The following DST variants were observed in gnomAD, a reference collection of about 807,000 sequenced individuals.
DST encodes bullous pemphigoid antigen.
Under a neutral mutation model 875.2 loss-of-function variants are expected in DST, and 253 were observed. The observed-to-expected ratio is 0.29, with a 90% confidence interval of 0.26 to 0.32. DST has a LOEUF of 0.32. Ranked by LOEUF, DST falls within the 10% of genes least tolerant of loss-of-function variation. DST has a pLI of 1.00. For synonymous variants in DST, 3,124 were observed against 3,197.1 expected (o/e 0.98, Z 0.77); for missense variants, 8,287 against 9,111.6 (o/e 0.91, Z 3.68).
intron 5 of DST, among the ~76,000 whole-genome samples, chr6:56,705,563 T>C (rs2099329790): frequency 6.6e-6 from 1 of 152,240 alleles, no homozygotes; most frequent in Admixed American, 6.5e-5. Flanking sequence ...TCTATATATA[T>C]GTTTTACAAT....
chr6:56,835,610 A>T (rs566821901), intron 4 of DST, among the ~76,000 whole-genome samples: 1 of 152,188 alleles, frequency 6.6e-6, no homozygotes, highest in Non-Finnish European at 1.5e-5. Context: ...TACCTACATA[A>T]TCTCTACTGC....
intron 69 of DST, among the ~76,000 whole-genome samples, chr6:56,519,026 T>C (rs1221262680): frequency 6.6e-6 from 1 of 152,178 alleles, no homozygotes. Context: ...CCAGGCATTA[T>C]ATATAAAACA....
intron 4 of DST, among the ~76,000 whole-genome samples, chr6:56,825,687 A>C (rs1257166034): frequency 6.6e-6 from 1 of 152,198 alleles, no homozygotes; most frequent in Non-Finnish European, 1.5e-5. Flanking sequence ...AATTTCTATT[A>C]CAATTCGCAG....
rs199548951 is a variant in DST, at chr6:56,953,799, G to C, written c.202C>G (p.His68Asp). 20 of 1,316,538 alleles carry C rather than the reference G, an allele frequency of 1.5e-5. No individual in the cohort carries two copies. Among genetic ancestry groups the C allele is most frequent in the Non-Finnish European group, 6.0e-6 (6 of 994,708 alleles). The allele number at this position is 1,316,538 out of a possible 1,614,324, so 81.6% of individuals were successfully genotyped here. A position where few individuals can be genotyped will look rare whatever the true frequency, so the allele number is the denominator to read the frequency against. The change falls in exon 2 of 104, where the codon CAC (histidine) becomes GAC (aspartate). Residue 68 changes from histidine (H) to aspartate (D), a missense_variant. Physicochemically the swap from His to Asp is moderately conservative, Grantham distance 81. This residue lies in a region of DST where 1,160 missense variants were observed against 1,424.3 expected (regional missense o/e 0.81). Coordinates refer to ENST00000680361, the MANE Select transcript of DST (RefSeq NM_001374736.1). Reference sequence around the variant, plus strand: ...AAATAAATTACCTCAGAACGAAAGTGGTGCGATCTCAAAACAGCATCTGGG... The same window carrying C: ...AAATAAATTACCTCAGAACGAAAGTCGTGCGATCTCAAAACAGCATCTGGG... The part of the protein sequence containing the change: ...RSRDAVLRSH[H>D]FRSEGFRASP...
At chr6:56,921,658 CATAAT>C (rs1804282102) in intron 2 of DST, among the ~76,000 whole-genome samples, 1 of 152,026 alleles carries the variant, frequency 6.6e-6, no homozygotes, top group South Asian at 2.1e-4. Context: ...ATCTGTTTTA[CATAAT>C]ATATTAGAAT....
At chr6:56,575,715 G>A (rs977410660) in intron 50 of DST, among the ~76,000 whole-genome samples, 1 of 152,136 alleles carries the variant, frequency 6.6e-6, no homozygotes, top group African/African-American at 2.4e-5. Context: ...TCTTGACATA[G>A]AGTTCCTAAA....
chr6:56,830,260 G>T (rs898022351), intron 4 of DST, among the ~76,000 whole-genome samples: 2 of 152,102 alleles, frequency 1.3e-5, no homozygotes, highest in Admixed American at 6.6e-5. Flanking sequence ...GATATTTCAT[G>T]GCATTAAAAA....
At chr6:56,555,937 TC>T (rs1176721248) in intron 59 of DST, 97 bp from the exon 60 acceptor site, 1 of 1,283,458 alleles carries the variant, frequency 7.8e-7, no homozygotes, top group Non-Finnish European at 1.0e-6. Flanking sequence ...TAATTATTTC[TC>T]CAGTTTTTGT....
At chr6:56,750,371 T>C (rs1402656965) in intron 4 of DST, among the ~76,000 whole-genome samples, 1 of 152,194 alleles carries the variant, frequency 6.6e-6, no homozygotes, top group African/African-American at 2.4e-5. Context: ...AACTTTATAG[T>C]GAACTCTTGC....
chr6:56,954,278 C>G (rs1248082117), intron 1 of DST, 129 bp downstream of exon 1: 1 of 600,088 alleles, frequency 1.7e-6, no homozygotes, highest in East Asian at 7.3e-5. Context: ...AAGAAACGCA[C>G]TCAGCCTGGG....
chr6:56,547,338 A>G (rs994953085), intron 61 of DST, among the ~76,000 whole-genome samples: 3 of 152,158 alleles, frequency 2.0e-5, no homozygotes, highest in Non-Finnish European at 4.4e-5. Context: ...CTTTCTTCCT[A>G]AAGTTGTTAA....
intron 4 of DST, among the ~76,000 whole-genome samples, chr6:56,808,188 T>C (rs1420253731): frequency 1.3e-5 from 2 of 152,094 alleles, no homozygotes; most frequent in Non-Finnish European, 2.9e-5. Context: ...CTGGCCCACC[T>C]ACCCAAGCCC....
intron 71 of DST, 33 bp from the exon 72 acceptor site, chr6:56,515,701 T>G: frequency 1.5e-5 from 23 of 1,532,362 alleles, no homozygotes; most frequent in Non-Finnish European, 1.9e-5. Context: ...GTTTAACTGG[T>G]CAGGCCAACG....
chr6:56,780,161 T>C (rs1173912357), intron 4 of DST, among the ~76,000 whole-genome samples: 3 of 151,706 alleles, frequency 2.0e-5, no homozygotes, highest in Non-Finnish European at 4.4e-5. Flanking sequence ...GTCTTTGCTA[T>C]TGTGAATAGT....
intron 83 of DST, 95 bp downstream of exon 83, chr6:56,493,915 G>A (rs762164460): frequency 3.1e-6 from 3 of 974,278 alleles, no homozygotes; most frequent in Admixed American, 6.4e-5. Flanking sequence ...ATCATTGAAA[G>A]TTCTACTCCT....
intron 2 of DST, among the ~76,000 whole-genome samples, chr6:56,941,900 G>A (rs146221306): frequency 3.3e-5 from 5 of 152,256 alleles, no homozygotes; most frequent in African/African-American, 1.2e-4. Flanking sequence ...GCTGAAAGAG[G>A]TATGCTTATA....
chr6:56,689,652 A>T (rs1039829326), intron 9 of DST, among the ~76,000 whole-genome samples: 2 of 152,152 alleles, frequency 1.3e-5, no homozygotes, highest in Non-Finnish European at 2.9e-5. Context: ...CTCCCTATCC[A>T]ACGTCCTGAC....
chr6:56,617,323 T>C, intron 36 of DST: 1 of 1,613,994 alleles, frequency 6.2e-7, no homozygotes, highest in South Asian at 1.1e-5. Context: ...CTCTGCACCC[T>C]TCAAGCATCC....
chr6:56,848,843 T>C (rs1763420029), intron 4 of DST, among the ~76,000 whole-genome samples: 1 of 151,888 alleles, frequency 6.6e-6, no homozygotes, highest in Admixed American at 6.6e-5. Flanking sequence ...GAGACCAGCC[T>C]GGCCAACATG....
Sources: allele counts gnomAD v4.1 joint callset (sites outside exome capture counted in the v4.1 genomes callset), GRCh38; gene constraint gnomAD v4.1.1; regional missense constraint gnomAD v4.1.1; transcripts MANE v1.5; gene names NCBI Gene and HGNC (gene_info 2026-07-23, HGNC 2026-07-21).